IMMP2L: variants seen among roughly 807,000 people sequenced by gnomAD.
IMMP2L encodes mitochondrial inner membrane protease subunit 2.
In IMMP2L, 18 loss-of-function variants were observed where a neutral mutation model predicts 19.3. That is an observed-to-expected ratio of 0.93 (90% CI 0.64 to 1.38). The LOEUF (loss-of-function observed/expected upper bound fraction) is 1.38, where lower values mean the gene tolerates loss of function less well. Ranked by LOEUF, IMMP2L falls within the 40% of genes most tolerant of loss-of-function variation. IMMP2L has a pLI of 0.00. For missense variants in IMMP2L, 233 were observed against 218.2 expected (o/e 1.07, Z -0.43); for synonymous variants, 76 against 73.0 (o/e 1.04, Z -0.21).
At chr7:111,355,346 T>G (rs956994157) in intron 3 of IMMP2L, among the ~76,000 whole-genome samples, 1 of 151,774 alleles carries the variant, frequency 6.6e-6, no homozygotes, top group African/African-American at 2.4e-5. Flanking sequence ...AAATTAATTA[T>G]GAAAATTAGC....
intron 1 of IMMP2L, among the ~76,000 whole-genome samples, chr7:111,559,421 C>T (rs978152582): frequency 3.3e-5 from 5 of 152,156 alleles, no homozygotes; most frequent in Non-Finnish European, 5.9e-5. Context: ...AGTAATATGT[C>T]TTTCTCACTT....
chr7:110,799,458 G>C (rs1224516169), intron 5 of IMMP2L, among the ~76,000 whole-genome samples: 1 of 151,944 alleles, frequency 6.6e-6, no homozygotes, highest in South Asian at 2.1e-4. Context: ...AGATTGTAAA[G>C]TTGTTTTTAA....
At chr7:111,237,054 G>T (rs1814412373) in intron 3 of IMMP2L, among the ~76,000 whole-genome samples, 1 of 151,904 alleles carries the variant, frequency 6.6e-6, no homozygotes, top group Admixed American at 6.6e-5. Context: ...CCATAACACG[G>T]AATATATAAT....
At chr7:110,686,099 C>A (rs1405793466) in intron 5 of IMMP2L, among the ~76,000 whole-genome samples, 1 of 152,100 alleles carries the variant, frequency 6.6e-6, no homozygotes, top group African/African-American at 2.4e-5. Flanking sequence ...CACTATGTGA[C>A]AGAACTGCAT....
intron 5 of IMMP2L, among the ~76,000 whole-genome samples, chr7:110,816,133 T>C (rs924441871): frequency 6.6e-6 from 1 of 152,160 alleles, no homozygotes; most frequent in Non-Finnish European, 1.5e-5. Context: ...ACACATTGCT[T>C]TGAATGTGTC....
At chr7:110,978,743 C>G (rs1302846161) in intron 3 of IMMP2L, among the ~76,000 whole-genome samples, 1 of 151,974 alleles carries the variant, frequency 6.6e-6, no homozygotes, top group Non-Finnish European at 1.5e-5. Context: ...TATTTAACCC[C>G]AGTTTGAATA....
intron 3 of IMMP2L, among the ~76,000 whole-genome samples, chr7:111,230,200 G>C (rs1006301343): frequency 6.6e-6 from 1 of 152,040 alleles, no homozygotes; most frequent in Non-Finnish European, 1.5e-5. Context: ...TGAAAATGGG[G>C]AAGTTAGTGC....
At chr7:110,855,013 G>A (rs1036644199) in intron 5 of IMMP2L, among the ~76,000 whole-genome samples, 1 of 151,946 alleles carries the variant, frequency 6.6e-6, no homozygotes, top group Non-Finnish European at 1.5e-5. Flanking sequence ...TGAAAGGACA[G>A]TTATAATACA....
At chr7:111,526,811 C>T (rs919032000) in intron 1 of IMMP2L, among the ~76,000 whole-genome samples, 3 of 152,138 alleles carry the variant, frequency 2.0e-5, no homozygotes, top group African/African-American at 7.2e-5. Flanking sequence ...TCATGCCCTG[C>T]ATGCATGGAC....
intron 1 of IMMP2L, among the ~76,000 whole-genome samples, chr7:111,545,667 A>C (rs1242859380): frequency 6.6e-6 from 1 of 152,186 alleles, no homozygotes; most frequent in African/African-American, 2.4e-5. Context: ...TGTGGATAGT[A>C]ACCCCTTATC....
At chr7:111,520,887 T>C (rs1846267622) in intron 2 of IMMP2L, among the ~76,000 whole-genome samples, 1 of 152,140 alleles carries the variant, frequency 6.6e-6, no homozygotes, top group Admixed American at 6.5e-5. Flanking sequence ...CTGGGATCAA[T>C]GGTCTAGACA....
At chr7:111,249,202 G>A (rs1220522397) in intron 3 of IMMP2L, among the ~76,000 whole-genome samples, 1 of 83,202 alleles carries the variant, frequency 1.2e-5, no homozygotes, top group Non-Finnish European at 2.3e-5. Context: ...CTCCGAGCCA[G>A]GTGTGGGATA....
chr7:111,557,337 C>A (rs1352502411), intron 1 of IMMP2L, among the ~76,000 whole-genome samples: 2 of 152,144 alleles, frequency 1.3e-5, no homozygotes, highest in African/African-American at 4.8e-5. Context: ...GTACCCTGAA[C>A]TGGCTATCCA....
chr7:110,679,038 C>T (rs940911581), intron 5 of IMMP2L, among the ~76,000 whole-genome samples: 6 of 152,084 alleles, frequency 3.9e-5, no homozygotes, highest in African/African-American at 1.4e-4. Flanking sequence ...AATCAGAATG[C>T]ATTTTCAGGT....
At chr7:111,374,110 G>A (rs1026174022) in intron 3 of IMMP2L, among the ~76,000 whole-genome samples, 2 of 151,928 alleles carry the variant, frequency 1.3e-5, no homozygotes, top group Admixed American at 1.3e-4. Context: ...TTATATAATG[G>A]GAGCTGCTCT....
chr7:111,063,073 C>T (rs914040423), intron 3 of IMMP2L, among the ~76,000 whole-genome samples: 1 of 152,234 alleles, frequency 6.6e-6, no homozygotes. Context: ...CCCTTCTGCA[C>T]TGCCCTAGCA....
At chr7:110,737,702 A>G (rs1796731453) in intron 5 of IMMP2L, among the ~76,000 whole-genome samples, 1 of 152,176 alleles carries the variant, frequency 6.6e-6, no homozygotes, top group African/African-American at 2.4e-5. Context: ...CATCCTCCAT[A>G]TAGGACCACA....
intron 3 of IMMP2L, among the ~76,000 whole-genome samples, chr7:111,116,109 A>T (rs1342598047): frequency 6.6e-6 from 1 of 152,236 alleles, no homozygotes; most frequent in East Asian, 1.9e-4. Flanking sequence ...CAGGAGAGAG[A>T]ATTGTGCTAT....
intron 2 of IMMP2L, among the ~76,000 whole-genome samples, chr7:111,505,695 T>C (rs926061174): frequency 1.1e-4 from 16 of 151,956 alleles, no homozygotes; most frequent in African/African-American, 3.9e-4. Context: ...CTGGAAACCA[T>C]CATTCTCAGC....
Sources: gnomAD v4.1 joint callset for allele counts (sites outside exome capture counted in the v4.1 genomes callset) on GRCh38, gnomAD v4.1.1 for gene constraint, MANE v1.5 for transcripts, NCBI Gene and HGNC (gene_info 2026-07-23, HGNC 2026-07-21) for gene names.